The following CD200R1L variants were observed in gnomAD, a reference collection of about 807,000 sequenced individuals.
The protein encoded by CD200R1L is CD200 receptor 1 like.
In CD200R1L, 14 loss-of-function variants were observed where a neutral mutation model predicts 24.8. That is an observed-to-expected ratio of 0.56 (90% confidence interval 0.37 to 0.88). The LOEUF (loss-of-function observed/expected upper bound fraction) is 0.88, where lower values mean the gene tolerates loss of function less well. Among genes scored for constraint, CD200R1L ranks in the 40% least tolerant of loss-of-function variants. The pLI, the probability that CD200R1L is intolerant of heterozygous loss-of-function variation, is 0.00. For synonymous variants in CD200R1L, 111 were observed against 109.2 expected, an observed-to-expected ratio of 1.02 and a Z score of -0.11; for missense variants, 299 against 297.8, an observed-to-expected ratio of 1.00 and a Z score of -0.03.
chr3:112,832,446 T>C (rs1203633115), intron 3 of CD200R1L, among the ~76,000 whole-genome samples: 1 of 152,138 alleles, frequency 6.6e-6, no homozygotes, highest in Non-Finnish European at 1.5e-5. Context: ...GCTATTATAA[T>C]AGGAAAGACC....
At chr3:112,844,079 G>A (rs1044174879) in intron 2 of CD200R1L, among the ~76,000 whole-genome samples, 5 of 152,204 alleles carry the variant, frequency 3.3e-5, no homozygotes, top group African/African-American at 4.8e-5. Flanking sequence ...CCTGTGGAAA[G>A]ACTTAGCCAC....
chr3:112,816,523 A>C (rs1191795389), intron 7 of CD200R1L, among the ~76,000 whole-genome samples: 1 of 152,222 alleles, frequency 6.6e-6, no homozygotes, highest in Non-Finnish European at 1.5e-5. Context: ...CTCTAAAGTC[A>C]ACTGAAAAAT....
At chr3:112,833,938 C>G (rs1938870743) in intron 3 of CD200R1L, among the ~76,000 whole-genome samples, 1 of 152,194 alleles carries the variant, frequency 6.6e-6, no homozygotes, top group Non-Finnish European at 1.5e-5. Flanking sequence ...GAGATAAACT[C>G]ATAAGCAGTG....
intron 6 of CD200R1L, among the ~76,000 whole-genome samples, chr3:112,823,608 CA>C (rs1211041837): frequency 1.3e-5 from 2 of 152,180 alleles, no homozygotes; most frequent in Admixed American, 1.3e-4. Flanking sequence ...GCCAAGCACT[CA>C]ATTACAGGGC....
intron 6 of CD200R1L, among the ~76,000 whole-genome samples, chr3:112,825,713 C>T (rs954739029): frequency 3.3e-5 from 5 of 151,686 alleles, no homozygotes; most frequent in Admixed American, 1.3e-4. Context: ...GAAAAATAGG[C>T]GTGTTTTATG....
intron 6 of CD200R1L, among the ~76,000 whole-genome samples, chr3:112,825,954 G>C (rs895228776): frequency 2.0e-5 from 3 of 152,086 alleles, no homozygotes; most frequent in Non-Finnish European, 4.4e-5. Context: ...GGAAAACACA[G>C]CTAACGAATA....
intron 6 of CD200R1L, among the ~76,000 whole-genome samples, chr3:112,823,269 C>G (rs1125377): frequency 0.26 from 39,943 of 152,034 alleles, 5,968 homozygotes; most frequent in African/African-American, 0.4. Flanking sequence ...GATTCTGATC[C>G]TTTTGATTAT....
chr3:112,832,476 AC>A (rs756569728), intron 3 of CD200R1L, among the ~76,000 whole-genome samples: 2 of 151,606 alleles, frequency 1.3e-5, no homozygotes, highest in Non-Finnish European at 2.9e-5. Context: ...CCCCCAAACC[AC>A]CCCCCTTGGC....
At chr3:112,842,855 GT>G (rs1939114216) in intron 2 of CD200R1L, among the ~76,000 whole-genome samples, 1 of 152,162 alleles carries the variant, frequency 6.6e-6, no homozygotes, top group Admixed American at 6.5e-5. Context: ...CTCGAACTCT[GT>G]TTTCTGTTGT....
chr3:112,834,716 C>T (rs1938891509), intron 3 of CD200R1L, among the ~76,000 whole-genome samples: 1 of 152,204 alleles, frequency 6.6e-6, no homozygotes, highest in African/African-American at 2.4e-5. Context: ...GCCTGGATCC[C>T]ACATCTGCCA....
chr3:112,839,716 T>A, intron 2 of CD200R1L, among the ~76,000 whole-genome samples: 1 of 152,210 alleles, frequency 6.6e-6, no homozygotes, highest in East Asian at 1.9e-4. Flanking sequence ...AATGTGAACA[T>A]ATAGGCAAAA....
intron 7 of CD200R1L, among the ~76,000 whole-genome samples, 178 bp from the exon 8 acceptor site, chr3:112,816,153 T>C (rs762200520): frequency 6.6e-6 from 1 of 152,224 alleles, no homozygotes; most frequent in African/African-American, 2.4e-5. Flanking sequence ...AGGAATGCTG[T>C]ATAACAAACA....
chr3:112,840,968 G>A (rs1939066516), intron 2 of CD200R1L, among the ~76,000 whole-genome samples: 1 of 152,146 alleles, frequency 6.6e-6, no homozygotes, highest in Non-Finnish European at 1.5e-5. Context: ...ACACAGTCCA[G>A]AGCTATTTCA....
In CD200R1L at chr3:112,827,452, C is replaced by T. The variant is rs781068053; in HGVS notation, c.282G>A (p.Val94=). 102 of 1,614,042 alleles carry T rather than the reference C, an allele frequency of 6.3e-5. No individual in the cohort carries two copies. The highest frequency in any genetic ancestry group is 8.6e-5 in the Non-Finnish European group (102 of 1,180,026). ...TGTAATACCCGTCATGAGTGGTGTC[C>T]ACCGGACGAATCTGAAGGTCCGAAT... The part of the protein sequence containing the change: ...DQNSDLQIRP[V]DTTHDGYYRG... Residue 94 remains valine, a synonymous_variant, in exon 5 of 8, where the codon GTG becomes GTA. Coordinates refer to ENST00000488794, the MANE Select transcript of CD200R1L (RefSeq NM_001199215.3).
chr3:112,832,205 T>C (rs1441715984), intron 3 of CD200R1L, among the ~76,000 whole-genome samples: 1 of 152,176 alleles, frequency 6.6e-6, no homozygotes, highest in Non-Finnish European at 1.5e-5. Context: ...CTAATCTGAA[T>C]TGATCCTGAT....
chr3:112,820,727 A>G (rs1247274721), intron 6 of CD200R1L, among the ~76,000 whole-genome samples: 1 of 151,138 alleles, frequency 6.6e-6, no homozygotes, highest in Non-Finnish European at 1.5e-5. Flanking sequence ...CACCATGCCC[A>G]GCCAGAAGCA....
At chr3:112,835,208 G>T (rs1471557438) in intron 3 of CD200R1L, among the ~76,000 whole-genome samples, 2 of 152,206 alleles carry the variant, frequency 1.3e-5, no homozygotes, top group Non-Finnish European at 2.9e-5. Context: ...TTGAGTGATA[G>T]AACAGCTCAG....
At chr3:112,840,102 C>G (rs902549910) in intron 2 of CD200R1L, among the ~76,000 whole-genome samples, 1 of 152,140 alleles carries the variant, frequency 6.6e-6, no homozygotes, top group Non-Finnish European at 1.5e-5. Context: ...AAAGACAAAG[C>G]TGAATGAGGC....
chr3:112,822,724 AG>A (rs1280815949), intron 6 of CD200R1L, among the ~76,000 whole-genome samples: 1 of 152,164 alleles, frequency 6.6e-6, no homozygotes, highest in Non-Finnish European at 1.5e-5. Context: ...TAAAAATCTA[AG>A]CTGTTGGAAT....
Sources: gnomAD v4.1 joint callset for allele counts (sites outside exome capture counted in the v4.1 genomes callset) on GRCh38, gnomAD v4.1.1 for gene constraint, MANE v1.5 for transcripts, NCBI Gene and HGNC (gene_info 2026-07-23, HGNC 2026-07-21) for gene names.